ROBO2: variants seen among roughly 807,000 people sequenced by gnomAD.
ROBO2 encodes the protein roundabout homolog 2.
Under a neutral mutation model 160.8 loss-of-function variants are expected in ROBO2, and 53 were observed. The observed-to-expected ratio is 0.33, with a 90% CI of 0.26 to 0.41. The LOEUF (loss-of-function observed/expected upper bound fraction) is 0.41, where lower values mean the gene tolerates loss of function less well. Among genes scored for constraint, ROBO2 ranks in the 10% least tolerant of loss-of-function variants. The pLI is 1.00. For synonymous variants in ROBO2, 664 were observed against 611.7 expected, an observed-to-expected ratio of 1.09 and a Z score of -1.26; for missense variants, 1,577 against 1,722.4, an observed-to-expected ratio of 0.92 and a Z score of 1.49.
intron 2 of ROBO2, among the ~76,000 whole-genome samples, chr3:77,275,592 G>C (rs531977790): frequency 7.8e-4 from 119 of 152,200 alleles, no homozygotes; most frequent in African/African-American, 2.6e-3. Flanking sequence ...AAAAATGCAA[G>C]TATCTCCAGG....
At chr3:76,104,829 G>A (rs1004512348) in intron 2 of ROBO2, among the ~76,000 whole-genome samples, 10 of 152,160 alleles carry the variant, frequency 6.6e-5, no homozygotes, top group African/African-American at 2.4e-4. Flanking sequence ...ACTTAATAAG[G>A]AATGACACTT....
At chr3:77,546,571 A>G in intron 7 of ROBO2, 109 bp downstream of exon 8, 1 of 1,394,600 alleles carries the variant, frequency 7.2e-7, no homozygotes, top group Non-Finnish European at 1.0e-6. Context: ...AATTTATTTT[A>G]TTTCTGAAAA....
At chr3:76,299,247 G>A (rs948133611) in intron 2 of ROBO2, among the ~76,000 whole-genome samples, 2 of 152,164 alleles carry the variant, frequency 1.3e-5, no homozygotes, top group African/African-American at 4.8e-5. Flanking sequence ...AGTTGGGAGG[G>A]ACCTGGAAGG....
At chr3:76,183,934 T>A (rs1487612506) in intron 2 of ROBO2, among the ~76,000 whole-genome samples, 2 of 152,110 alleles carry the variant, frequency 1.3e-5, no homozygotes, top group Non-Finnish European at 2.9e-5. Flanking sequence ...TTATTGTGAA[T>A]TACAAAATAA....
intron 2 of ROBO2, among the ~76,000 whole-genome samples, chr3:77,472,813 C>T (rs190279873): frequency 6.6e-6 from 1 of 152,138 alleles, no homozygotes; most frequent in East Asian, 1.9e-4. Context: ...AAGCTGTTAT[C>T]TGAAAGATGA....
chr3:77,483,018 G>A (rs1582344769), intron 4 of ROBO2, among the ~76,000 whole-genome samples: 1 of 152,110 alleles, frequency 6.6e-6, no homozygotes, highest in South Asian at 2.1e-4. Flanking sequence ...AGAACTACTG[G>A]GGATTCCTAA....
In ROBO2 at chr3:76,231,972, C is replaced by T. The variant is rs187290754; in HGVS notation, c.109+294370C>T. The stretch of plus-strand genomic sequence containing the variant: ...ATACAGAAGTTTTTAAAAATTGTGT[C>T]CTCATTAGTAAAATAAATTTATAGA... On this transcript the variant is annotated intron_variant, in intron 2 of 26. Transcript: ENST00000487694. Among the ~76,000 whole-genome samples the T allele has an allele frequency of 2.7e-4, 41 of 151,664 alleles. 1 individual carries two copies. The highest frequency in any genetic ancestry group is 7.1e-4 in the African/African-American group (29 of 41,084).
At chr3:76,389,943 T>C (rs2077067928) in intron 2 of ROBO2, among the ~76,000 whole-genome samples, 1 of 152,180 alleles carries the variant, frequency 6.6e-6, no homozygotes, top group African/African-American at 2.4e-5. Flanking sequence ...CTTATTGTTT[T>C]CAGTAGTCTA....
At chr3:77,051,823 C>T (rs1400448775) in intron 1 of ROBO2, among the ~76,000 whole-genome samples, 2 of 151,994 alleles carry the variant, frequency 1.3e-5, no homozygotes, top group Admixed American at 6.6e-5. Context: ...GGGGAGGGGA[C>T]GAAAGAGTGT....
Position 76,499,722 on chromosome 3 carries a change from C to T in ROBO2, c.109+562120C>T, listed in dbSNP as rs989635058. On this transcript the variant is annotated intron_variant, in intron 2 of 26. Coordinates refer to the ROBO2 transcript ENST00000487694. ...TGTGAAGACACACATGTACGTGCAA[C>T]AGACATTTCAAAGAGTATACATTAA... is the stretch of plus-strand genomic sequence containing the variant. Among the ~76,000 whole-genome samples, 10 of 152,170 alleles carry T rather than the reference C, an allele frequency of 6.6e-5. 1 individual carries two copies. Among genetic ancestry groups the T allele is most frequent in the African/African-American group, 2.4e-4 (10 of 41,424 alleles).
intron 2 of ROBO2, among the ~76,000 whole-genome samples, chr3:75,945,130 G>T (rs1948225873): frequency 1.3e-5 from 2 of 152,132 alleles, no homozygotes; most frequent in Admixed American, 6.6e-5. Flanking sequence ...GAATTATTGA[G>T]TGAAGGAAAT....
intron 2 of ROBO2, among the ~76,000 whole-genome samples, chr3:76,381,358 A>G (rs1225902025): frequency 6.7e-6 from 1 of 149,254 alleles, no homozygotes; most frequent in Non-Finnish European, 1.5e-5. Flanking sequence ...TTATTTTGTT[A>G]TTATTTTTTT....
intron 2 of ROBO2, among the ~76,000 whole-genome samples, chr3:76,993,343 A>G (rs1176520287): frequency 6.6e-6 from 1 of 151,776 alleles, no homozygotes; most frequent in African/African-American, 2.4e-5. Flanking sequence ...AGGAATAAAG[A>G]GTTTGTGAAA....
At chr3:76,282,913 G>T (rs2107674259) in intron 2 of ROBO2, among the ~76,000 whole-genome samples, 1 of 151,112 alleles carries the variant, frequency 6.6e-6, no homozygotes, top group African/African-American at 2.4e-5. Context: ...ATAAGTACAT[G>T]TCTAGTTTTT....
intron 21 of ROBO2, among the ~76,000 whole-genome samples, chr3:77,616,911 C>A (rs1381444104): frequency 2.0e-5 from 3 of 151,920 alleles, no homozygotes. Context: ...TTTTATAGGG[C>A]AAGGTTTTGA....
At chr3:77,448,896 T>A (rs1327661381) in intron 2 of ROBO2, among the ~76,000 whole-genome samples, 1 of 152,014 alleles carries the variant, frequency 6.6e-6, no homozygotes, top group African/African-American at 2.4e-5. Context: ...AAAAATCACA[T>A]GAGAAAGTGT....
At chr3:77,534,801 T>C (rs1582775690) in intron 6 of ROBO2, among the ~76,000 whole-genome samples, 1 of 152,338 alleles carries the variant, frequency 6.6e-6, no homozygotes, top group Admixed American at 6.5e-5. Context: ...AACTGTTAGC[T>C]CTTTGTCAGT....
At chr3:76,156,314 T>G (rs2072407169) in intron 2 of ROBO2, among the ~76,000 whole-genome samples, 1 of 152,142 alleles carries the variant, frequency 6.6e-6, no homozygotes, top group South Asian at 2.1e-4. Context: ...AAAAAAGCAT[T>G]TCAAAGGTTA....
At chr3:76,335,818 C>T (rs1036805533) in intron 2 of ROBO2, among the ~76,000 whole-genome samples, 14 of 152,034 alleles carry the variant, frequency 9.2e-5, no homozygotes, top group Admixed American at 3.9e-4. Flanking sequence ...CCTTGTGATC[C>T]GCCCGCCTCG....
Sources: gnomAD v4.1 joint callset for allele counts (sites outside exome capture counted in the v4.1 genomes callset) on GRCh38, gnomAD v4.1.1 for gene constraint, MANE v1.5 for transcripts, NCBI Gene and HGNC (gene_info 2026-07-23, HGNC 2026-07-21) for gene names.